REC114: variants seen among roughly 807,000 people sequenced by gnomAD.
The protein encoded by REC114 is REC114 meiotic recombination protein, also known as meiotic recombination protein REC114.
Under a neutral mutation model 31.3 loss-of-function variants are expected in REC114, and 27 were observed. The ratio of observed to expected loss-of-function variants is 0.86; its 90% CI spans 0.64 to 1.19. REC114 has a LOEUF of 1.19. Among genes scored for constraint, REC114 ranks in the 50% most tolerant of loss-of-function variants. The pLI, the probability that REC114 is intolerant of heterozygous loss-of-function variation, is 0.00. For synonymous variants in REC114, 134 were observed against 127.7 expected, an observed-to-expected ratio of 1.05 and a Z score of -0.33; for missense variants, 344 against 326.9, an observed-to-expected ratio of 1.05 and a Z score of -0.40.
At chr15:73,479,735 C>A (rs186445618) in intron 2 of REC114, among the ~76,000 whole-genome samples, 1 of 152,058 alleles carries the variant, frequency 6.6e-6, no homozygotes, top group African/African-American at 2.4e-5. Context: ...CAGGTTCATC[C>A]ATGTTGTTGA....
At chr15:73,522,221 C>T (rs1164058313) in intron 2 of REC114, among the ~76,000 whole-genome samples, 2 of 152,156 alleles carry the variant, frequency 1.3e-5, no homozygotes, top group Non-Finnish European at 2.9e-5. Flanking sequence ...CATGTTATTT[C>T]TTGCCTCTCT....
intron 2 of REC114, among the ~76,000 whole-genome samples, chr15:73,511,417 G>T (rs1893766382): frequency 6.6e-6 from 1 of 151,760 alleles, no homozygotes; most frequent in African/African-American, 2.4e-5. Context: ...TTGATTTTTT[G>T]AATGGTTTTT....
At chr15:73,502,312 C>A (rs1270977479) in intron 2 of REC114, among the ~76,000 whole-genome samples, 2 of 152,174 alleles carry the variant, frequency 1.3e-5, no homozygotes, top group Non-Finnish European at 2.9e-5. Context: ...CACCTTATTA[C>A]ACTACAGTTG....
intron 4 of REC114, among the ~76,000 whole-genome samples, chr15:73,553,811 C>T (rs1227077079): frequency 1.3e-5 from 2 of 152,122 alleles, no homozygotes; most frequent in Non-Finnish European, 2.9e-5. Context: ...TTCAGGGACT[C>T]TTCTGAACTG....
chr15:73,509,453 C>G (rs1452638062), intron 2 of REC114, among the ~76,000 whole-genome samples: 1 of 150,634 alleles, frequency 6.6e-6, no homozygotes, highest in Non-Finnish European at 1.5e-5. Flanking sequence ...TAATTAGATC[C>G]CATTTGTCAA....
rs760918088 is a variant in REC114 at position 73,559,748 on chromosome 15, G to A, written c.637-4G>A. On this transcript the variant is annotated splice_polypyrimidine_tract_variant and splice_region_variant and intron_variant, in intron 5 of 5. Transcript: ENST00000331090. ...CTGTAACGACTTTTCTGGTATCCCT[G>A]CAGACTCTTCTGGCATCGGAGGAGC... 4 of 1,556,250 alleles carry A rather than the reference G, an allele frequency of 2.6e-6. No homozygotes were observed. Among genetic ancestry groups the A allele is most frequent in the Non-Finnish European group, 3.5e-6 (4 of 1,158,640 alleles).
intron 2 of REC114, among the ~76,000 whole-genome samples, chr15:73,533,867 C>T (rs2141326306): frequency 8.6e-6 from 1 of 116,044 alleles, no homozygotes; most frequent in East Asian, 2.3e-4. Context: ...CAAACTAGAA[C>T]TCAGGATTAA....
intron 1 of REC114, among the ~76,000 whole-genome samples, chr15:73,470,205 T>C (rs149282634): frequency 0.03 from 4,596 of 152,270 alleles, 117 homozygotes; most frequent in Non-Finnish European, 0.046. Flanking sequence ...ATCTGTTCTT[T>C]GTTCCCTTTT....
intron 2 of REC114, among the ~76,000 whole-genome samples, chr15:73,518,764 C>A (rs1893897072): frequency 6.6e-6 from 1 of 152,188 alleles, no homozygotes; most frequent in Admixed American, 6.5e-5. Context: ...TGGCCCAATA[C>A]ATTTGAATAA....
At chr15:73,475,099 T>A (rs1022488939) in intron 2 of REC114, among the ~76,000 whole-genome samples, 1 of 152,194 alleles carries the variant, frequency 6.6e-6, no homozygotes, top group African/African-American at 2.4e-5. Flanking sequence ...GCCAATATCA[T>A]GGGTCTTTGC....
intron 2 of REC114, among the ~76,000 whole-genome samples, chr15:73,508,437 CT>C (rs1186634944): frequency 7.6e-6 from 1 of 131,148 alleles, no homozygotes; most frequent in Non-Finnish European, 1.7e-5. Flanking sequence ...TTTTTTTTTT[CT>C]TTTTTAATTT....
chr15:73,488,739 T>C (rs1462752479), intron 2 of REC114, among the ~76,000 whole-genome samples: 1 of 152,220 alleles, frequency 6.6e-6, no homozygotes, highest in Admixed American at 6.5e-5. Flanking sequence ...TTAGATTATC[T>C]CTAAGACTGA....
chr15:73,494,939 T>C (rs1007397067), intron 2 of REC114, among the ~76,000 whole-genome samples: 6 of 152,232 alleles, frequency 3.9e-5, no homozygotes, highest in Non-Finnish European at 7.4e-5. Flanking sequence ...GGTTTGCTTT[T>C]AAAACTGCAA....
At chr15:73,489,436 C>T (rs1464959233) in intron 2 of REC114, among the ~76,000 whole-genome samples, 1 of 151,920 alleles carries the variant, frequency 6.6e-6, no homozygotes, top group East Asian at 1.9e-4. Context: ...GAACTCCTGA[C>T]CTCAAGTGAT....
intron 2 of REC114, among the ~76,000 whole-genome samples, chr15:73,519,504 C>T (rs1323836174): frequency 6.6e-6 from 1 of 152,188 alleles, no homozygotes. Flanking sequence ...TGTAAAGAAA[C>T]TGGAACCCTT....
At chr15:73,526,663 AC>A (rs987373211) in intron 2 of REC114, among the ~76,000 whole-genome samples, 1 of 151,624 alleles carries the variant, frequency 6.6e-6, no homozygotes, top group Non-Finnish European at 1.5e-5. Context: ...CTTCTTCAAT[AC>A]CCTTTTCTGC....
intron 2 of REC114, among the ~76,000 whole-genome samples, chr15:73,519,044 A>G (rs948452168): frequency 6.6e-6 from 1 of 152,172 alleles, no homozygotes; most frequent in African/African-American, 2.4e-5. Context: ...ATCACCTCAC[A>G]CCCATTAGGA....
At chr15:73,550,585 T>C (rs1244625219) in intron 3 of REC114, among the ~76,000 whole-genome samples, 1 of 152,198 alleles carries the variant, frequency 6.6e-6, no homozygotes, top group Non-Finnish European at 1.5e-5. Flanking sequence ...ATTATTATCC[T>C]CACAGATTTT....
chr15:73,494,587 A>G (rs184173627), intron 2 of REC114, among the ~76,000 whole-genome samples: 1 of 152,324 alleles, frequency 6.6e-6, no homozygotes, highest in East Asian at 1.9e-4. Flanking sequence ...TTAAGTATTA[A>G]AAAGAAATGT....
Sources: allele counts gnomAD v4.1 joint callset (sites outside exome capture counted in the v4.1 genomes callset), GRCh38; gene constraint gnomAD v4.1.1; transcripts MANE v1.5; gene names NCBI Gene and HGNC (gene_info 2026-07-23, HGNC 2026-07-21).